Variants in CCSER1 observed in about 807,000 individuals in gnomAD.
The protein encoded by CCSER1 is coiled-coil serine rich protein 1.
In CCSER1, 41 loss-of-function variants were observed where a neutral mutation model predicts 82.0. The observed-to-expected ratio is 0.50, with a 90% confidence interval of 0.39 to 0.65. CCSER1 has a LOEUF of 0.65. Among genes scored for constraint, CCSER1 ranks in the 30% least tolerant of loss-of-function variants. The pLI is 0.00. For synonymous variants in CCSER1, 414 were observed against 383.9 expected (o/e 1.08, Z -0.92); for missense variants, 1,119 against 1,064.2 (o/e 1.05, Z -0.72).
intron 6 of CCSER1, among the ~76,000 whole-genome samples, chr4:90,684,732 T>C (rs1734492891): frequency 6.6e-6 from 1 of 152,048 alleles, no homozygotes; most frequent in Admixed American, 6.6e-5. Flanking sequence ...AAGGACCTGG[T>C]GGGGGATAAT....
intron 1 of CCSER1, among the ~76,000 whole-genome samples, chr4:90,155,755 TTC>T (rs1399601232): frequency 2.6e-5 from 4 of 152,166 alleles, no homozygotes; most frequent in Non-Finnish European, 4.4e-5. Context: ...TATTTGATTC[TTC>T]TCTTTTTTCT....
intron 4 of CCSER1, among the ~76,000 whole-genome samples, chr4:90,419,928 T>G (rs1560490936): frequency 6.6e-6 from 1 of 151,928 alleles, no homozygotes; most frequent in African/African-American, 2.4e-5. Context: ...CTTAAACTTT[T>G]TATATGTTTT....
At chr4:90,246,031 G>C (rs1204831788) in intron 1 of CCSER1, among the ~76,000 whole-genome samples, 1 of 152,184 alleles carries the variant, frequency 6.6e-6, no homozygotes, top group Non-Finnish European at 1.5e-5. Context: ...TCATAGGAGG[G>C]AGAATTATTA....
At chr4:90,691,665 G>T (rs1468167873) in intron 6 of CCSER1, among the ~76,000 whole-genome samples, 1 of 149,792 alleles carries the variant, frequency 6.7e-6, no homozygotes, top group African/African-American at 2.5e-5. Context: ...ACATGCATAT[G>T]TACGTGTGTA....
chr4:90,974,663 A>C (rs1324944098), intron 9 of CCSER1, among the ~76,000 whole-genome samples: 1 of 151,524 alleles, frequency 6.6e-6, no homozygotes. Context: ...AACCACAGTG[A>C]AATACTTCAT....
At chr4:90,480,343 C>T (rs6843603) in intron 5 of CCSER1, among the ~76,000 whole-genome samples, 41,090 of 151,966 alleles carry the variant, frequency 0.27, 8,311 homozygotes, top group African/African-American at 0.56. Flanking sequence ...TTCATTCTGA[C>T]GGTGGTTTCT....
At chr4:90,654,631 T>C (rs1363758563) in intron 6 of CCSER1, among the ~76,000 whole-genome samples, 1 of 152,144 alleles carries the variant, frequency 6.6e-6, no homozygotes, top group Admixed American at 6.6e-5. Flanking sequence ...GTTTTCCCAT[T>C]CATTTATTCA....
chr4:90,832,986 A>G (rs1033399758), intron 8 of CCSER1, among the ~76,000 whole-genome samples: 1 of 152,356 alleles, frequency 6.6e-6, no homozygotes, highest in South Asian at 2.1e-4. Context: ...GTGTTACTTT[A>G]AAGACAATGG....
intron 7 of CCSER1, among the ~76,000 whole-genome samples, chr4:90,749,181 T>G (rs1457027582): frequency 2.6e-5 from 4 of 151,056 alleles, no homozygotes; most frequent in East Asian, 2.0e-4. Context: ...GTCTAACGTT[T>G]AAGTCTTTAA....
chr4:90,490,774 A>T (rs916049600), intron 5 of CCSER1, among the ~76,000 whole-genome samples: 1 of 152,152 alleles, frequency 6.6e-6, no homozygotes, highest in Non-Finnish European at 1.5e-5. Flanking sequence ...TTTTTTAAAT[A>T]GGGAATCCTT....
At chr4:91,525,132 C>T (rs1760707846) in intron 10 of CCSER1, among the ~76,000 whole-genome samples, 1 of 151,890 alleles carries the variant, frequency 6.6e-6, no homozygotes, top group East Asian at 1.9e-4. Flanking sequence ...GGAGAAGTTC[C>T]AGGTTTAAGA....
intron 6 of CCSER1, among the ~76,000 whole-genome samples, chr4:90,648,229 A>G (rs1483998782): frequency 1.3e-5 from 2 of 151,508 alleles, no homozygotes; most frequent in Non-Finnish European, 2.9e-5. Context: ...AAAAGGAAAG[A>G]CAAAATGAGA....
chr4:90,177,412 C>G (rs1328685702), intron 1 of CCSER1, among the ~76,000 whole-genome samples: 1 of 152,046 alleles, frequency 6.6e-6, no homozygotes, highest in Non-Finnish European at 1.5e-5. Context: ...GATAAATGGA[C>G]TATGCTTTCT....
intron 10 of CCSER1, among the ~76,000 whole-genome samples, chr4:91,539,091 C>A (rs1022314876): frequency 6.6e-5 from 10 of 151,882 alleles, no homozygotes; most frequent in Non-Finnish European, 1.3e-4. Context: ...TTGAATCATC[C>A]AATTGTTTTA....
chr4:90,881,764 G>A (rs1721358643), intron 8 of CCSER1, among the ~76,000 whole-genome samples: 1 of 152,082 alleles, frequency 6.6e-6, no homozygotes, highest in Admixed American at 6.5e-5. Context: ...CAAGCTGGGT[G>A]ACAGAGTAAG....
At chr4:90,810,024 C>G (rs1383454613) in intron 7 of CCSER1, among the ~76,000 whole-genome samples, 1 of 152,092 alleles carries the variant, frequency 6.6e-6, no homozygotes, top group Non-Finnish European at 1.5e-5. Flanking sequence ...GTTGTTGTTC[C>G]TTGTCAGCTC....
intron 10 of CCSER1, among the ~76,000 whole-genome samples, chr4:91,337,658 A>G (rs1307944439): frequency 6.6e-6 from 1 of 152,092 alleles, no homozygotes; most frequent in Non-Finnish European, 1.5e-5. Context: ...AGCTCTAGCC[A>G]AGTGAACATG....
intron 10 of CCSER1, among the ~76,000 whole-genome samples, chr4:91,393,700 A>T (rs752273324): frequency 1.3e-5 from 2 of 152,052 alleles, no homozygotes; most frequent in East Asian, 3.9e-4. Context: ...CTCCTGCTGT[A>T]TCTAATTTCT....
intron 1 of CCSER1, among the ~76,000 whole-genome samples, chr4:90,200,812 C>T (rs1364586979): frequency 6.6e-6 from 1 of 151,822 alleles, no homozygotes; most frequent in Non-Finnish European, 1.5e-5. Flanking sequence ...AAACAGTCAA[C>T]TTTTGTTTTT....
Sources: gnomAD v4.1 joint callset for allele counts (sites outside exome capture counted in the v4.1 genomes callset) on GRCh38, gnomAD v4.1.1 for gene constraint, MANE v1.5 for transcripts, NCBI Gene and HGNC (gene_info 2026-07-23, HGNC 2026-07-21) for gene names.